STK3: variants seen among roughly 807,000 people sequenced by gnomAD.
STK3 encodes the protein serine/threonine-protein kinase 3.
Under a neutral mutation model 58.0 loss-of-function variants are expected in STK3, and 41 were observed. The observed-to-expected ratio is 0.71, with a 90% CI of 0.55 to 0.92. The LOEUF (loss-of-function observed/expected upper bound fraction) is 0.92, where lower values mean the gene tolerates loss of function less well. Among genes scored for constraint, STK3 ranks in the 40% least tolerant of loss-of-function variants. The pLI is 0.00. For synonymous variants in STK3, 170 were observed against 191.0 expected, an observed-to-expected ratio of 0.89 and a Z score of 0.91; for missense variants, 479 against 602.7, an observed-to-expected ratio of 0.79 and a Z score of 2.15.
intron 3 of STK3, among the ~76,000 whole-genome samples, chr8:98,407,778 G>T (rs75041250): frequency 0.02 from 3,039 of 150,436 alleles, 43 homozygotes; most frequent in Non-Finnish European, 0.031. Flanking sequence ...GCGCATGCAT[G>T]GTATGACTAC....
chr8:98,569,718 T>A (rs546389986), intron 8 of STK3, among the ~76,000 whole-genome samples: 2 of 151,788 alleles, frequency 1.3e-5, no homozygotes, highest in African/African-American at 4.9e-5. Context: ...GTTATAACTA[T>A]ATAAGAATTT....
intron 1 of STK3, among the ~76,000 whole-genome samples, chr8:98,794,061 C>T (rs1002398507): frequency 6.6e-6 from 1 of 152,002 alleles, no homozygotes; most frequent in Non-Finnish European, 1.5e-5. Context: ...AAGTTTACAA[C>T]ACTAAACACC....
At chr8:98,462,563 A>T (rs1162713098) in intron 10 of STK3, among the ~76,000 whole-genome samples, 3 of 151,894 alleles carry the variant, frequency 2.0e-5, no homozygotes, top group Non-Finnish European at 4.4e-5. Flanking sequence ...TGGTTGTATG[A>T]GGTTGAGTTT....
chr8:98,391,718 T>G (rs1460152289), upstream of STK3, among the ~76,000 whole-genome samples: 1 of 152,184 alleles, frequency 6.6e-6, no homozygotes. Context: ...CGTGCAGTCT[T>G]TCCAGGTTTT....
intron 4 of STK3, among the ~76,000 whole-genome samples, chr8:98,744,851 C>T (rs570857177): frequency 6.6e-6 from 1 of 150,578 alleles, no homozygotes; most frequent in Non-Finnish European, 1.5e-5. Context: ...GCTTATAAGC[C>T]AGTTAAAAAG....
chr8:98,590,193 G>T (rs1354959222), intron 7 of STK3, among the ~76,000 whole-genome samples: 1 of 151,836 alleles, frequency 6.6e-6, no homozygotes, highest in African/African-American at 2.4e-5. Flanking sequence ...AAAATAACCA[G>T]CATTGATTTG....
rs191119792 is a variant in STK3, at chr8:98,562,827, G to A, written c.949-14666C>T. ...CTTGGGAGGTTGAGGCAGGAGGATCGCTTCAGCCCAAAAGTTCAAGACAGT... is the reference window on the plus strand; with the variant it reads ...CTTGGGAGGTTGAGGCAGGAGGATCACTTCAGCCCAAAAGTTCAAGACAGT... On this transcript the variant is annotated intron_variant, in intron 8 of 10. Coordinates refer to ENST00000419617, the MANE Select transcript of STK3 (RefSeq NM_006281.4). Among the ~76,000 whole-genome samples, 428 of 148,034 alleles carry A rather than the reference G, an allele frequency of 2.9e-3. 1 individual carries two copies. The highest frequency in any genetic ancestry group is 0.01 in the African/African-American group (405 of 40,100).
At chr8:98,719,123 T>C (rs2131172008) in intron 4 of STK3, among the ~76,000 whole-genome samples, 1 of 152,232 alleles carries the variant, frequency 6.6e-6, no homozygotes, top group East Asian at 1.9e-4. Flanking sequence ...AGGAGTGTGT[T>C]TAGGGCCACC....
intron 1 of STK3, among the ~76,000 whole-genome samples, chr8:98,885,720 G>A (rs117198054): frequency 0.069 from 10,452 of 152,288 alleles, 432 homozygotes; most frequent in South Asian, 0.1. Flanking sequence ...GATTACAGGC[G>A]TGAGCCACCG....
intron 10 of STK3, among the ~76,000 whole-genome samples, chr8:98,460,641 G>C (rs766005339): frequency 3.3e-5 from 5 of 152,152 alleles, no homozygotes; most frequent in Non-Finnish European, 7.3e-5. Context: ...TGTCTAGAGA[G>C]AGACCTGGTG....
chr8:98,464,661 C>T (rs889626164), intron 10 of STK3, among the ~76,000 whole-genome samples: 6 of 151,012 alleles, frequency 4.0e-5, no homozygotes, highest in African/African-American at 2.4e-5. Context: ...AAAAAAGGAG[C>T]ATTCTAGTCA....
At chr8:98,830,132 G>C (rs942913094), upstream of STK3, among the ~76,000 whole-genome samples, 24 of 152,292 alleles carry the variant, frequency 1.6e-4, no homozygotes, top group African/African-American at 5.5e-4. Context: ...AGGAGGTCAA[G>C]GCAGGAGAAT....
intron 10 of STK3, among the ~76,000 whole-genome samples, chr8:98,458,114 T>TACAC (rs34309401): frequency 1.3e-5 from 2 of 150,290 alleles, no homozygotes; most frequent in South Asian, 2.1e-4. Context: ...CACACACATA[T>TACAC]ACACACACAC....
intron 3 of STK3, among the ~76,000 whole-genome samples, chr8:98,868,743 C>T (rs1437649025): frequency 1.3e-5 from 2 of 151,842 alleles, no homozygotes; most frequent in African/African-American, 2.4e-5. Context: ...CCGACGCCGG[C>T]GGATGGCTTG....
At position 98,617,024 on chromosome 8, in the gene STK3, A is replaced by T. The variant is rs573989082; in HGVS notation, c.685-20855T>A. Among the ~76,000 whole-genome samples, 950 of 152,140 alleles carry T rather than the reference A, an allele frequency of 6.2e-3. 3 individuals are homozygous for T. Among genetic ancestry groups the T allele is most frequent in the Non-Finnish European group, 0.01 (691 of 67,986 alleles). ...CAGAATATACGTTTTTTTCAGCACC[A>T]CACCACACCTATTCCAAAATTGACC... is the stretch of plus-strand genomic sequence containing the variant. On this transcript the variant is annotated intron_variant, in intron 6 of 10. Transcript: ENST00000419617.
chr8:98,631,420 G>A lies in STK3; in HGVS notation c.685-35251C>T, dbSNP rs1819222933. Among the ~76,000 whole-genome samples the A allele has an allele frequency of 2.0e-5, 3 of 151,976 alleles. No individual in the cohort carries two copies. The South Asian group carries it at 6.2e-4, about 32-fold the overall frequency. ...CTCCAGCCACTTAAACCTCCTTACTGTTTCTAAAACATCAAACACAGTCAC... is the reference window on the plus strand; with the variant it reads ...CTCCAGCCACTTAAACCTCCTTACTATTTCTAAAACATCAAACACAGTCAC... On this transcript the variant is annotated intron_variant, in intron 6 of 10. Coordinates refer to ENST00000419617, the MANE Select transcript of STK3 (RefSeq NM_006281.4).
intron 9 of STK3, among the ~76,000 whole-genome samples, chr8:98,542,201 T>C (rs1420265728): frequency 2.0e-5 from 3 of 147,422 alleles, no homozygotes; most frequent in Admixed American, 7.2e-5. Flanking sequence ...TTCACCTTTT[T>C]CTCCATTTCC....
intron 3 of STK3, among the ~76,000 whole-genome samples, chr8:98,757,244 G>A (rs1380400107): frequency 3.3e-5 from 5 of 150,622 alleles, no homozygotes; most frequent in South Asian, 2.1e-4. Context: ...GCATTGGCGC[G>A]ATCTCGGCTC....
At chr8:98,371,049 C>T (rs6468633), downstream of STK3, among the ~76,000 whole-genome samples, 125,580 of 152,180 alleles carry the variant, frequency 0.83, 52,192 homozygotes, top group African/African-American at 0.89. Flanking sequence ...CAAAATGTTC[C>T]TAGGATGTTG....
Sources: allele counts gnomAD v4.1 joint callset (sites outside exome capture counted in the v4.1 genomes callset), GRCh38; gene constraint gnomAD v4.1.1; transcripts MANE v1.5; gene names NCBI Gene and HGNC (gene_info 2026-07-23, HGNC 2026-07-21).